Variants in DIP2C observed in about 807,000 individuals in gnomAD.
The protein encoded by DIP2C is disco-interacting protein 2 homolog C.
Under a neutral mutation model 192.4 loss-of-function variants are expected in DIP2C, and 33 were observed. The observed-to-expected ratio is 0.17, with a 90% CI of 0.13 to 0.23. The LOEUF is 0.23. Among genes scored for constraint, DIP2C ranks in the 10% least tolerant of loss-of-function variants. The pLI is 1.00. For synonymous variants in DIP2C, 979 were observed against 864.1 expected (o/e 1.13, Z -2.33); for missense variants, 1,537 against 2,110.1 (o/e 0.73, Z 5.32).
rs1235679679 is a variant in DIP2C, at chr10:636,130, C to T, written c.85+53364G>A. 2.6e-5 allele frequency among the ~76,000 whole-genome samples: 4 copies of T among 152,178 alleles called. No individual in the cohort carries two copies. The highest frequency in any genetic ancestry group is 7.2e-5 in the African/African-American group (3 of 41,442). On this transcript the variant is annotated intron_variant, in intron 1 of 36. Transcript: ENST00000280886. This position sits in a 1 kb window ranked among gnomAD's most constrained non-coding sequence, Gnocchi z 4.6. Reference sequence around the variant, plus strand: ...GTGCTCATAGCTACATACAAAATAACTTTATCACAAGGAAAACTAGGTGGT... The same window carrying T: ...GTGCTCATAGCTACATACAAAATAATTTTATCACAAGGAAAACTAGGTGGT...
At chr10:662,868 T>G in intron 1 of DIP2C, 1 of 717,522 alleles carries the variant, frequency 1.4e-6, no homozygotes, top group South Asian at 1.5e-5. Context: ...AGAACCACAC[T>G]CAGCAGCAGC....
At chr10:549,062 G>A (rs997249459) in intron 1 of DIP2C, among the ~76,000 whole-genome samples, 1 of 152,046 alleles carries the variant, frequency 6.6e-6, no homozygotes, top group Non-Finnish European at 1.5e-5. Flanking sequence ...CAGAATTAAA[G>A]GCAAAACCGA....
rs577438430 is a variant in DIP2C, at chr10:345,145, T to C, written c.3232-35A>G. On this transcript the variant is annotated intron_variant, in intron 26 of 36. Transcript: ENST00000280886. ...GAGAGCGAGAATGGAGCCATGAACG[T>C]GGACCCAGATGAAAGCGTGCTCACT... The C allele has an allele frequency of 1.9e-5, 30 of 1,581,058 alleles. No individual in the cohort carries two copies. The South Asian group carries it at 2.4e-4, about 13-fold the overall frequency.
chr10:492,051 A>G (rs1203983616), intron 1 of DIP2C, among the ~76,000 whole-genome samples: 1 of 152,154 alleles, frequency 6.6e-6, no homozygotes, highest in Non-Finnish European at 1.5e-5. Context: ...GCTAAGAGGA[A>G]TCTCAAAATC....
chr10:423,173 A>G, intron 4 of DIP2C, 140 bp from the exon 5 acceptor site: 1 of 770,042 alleles, frequency 1.3e-6, no homozygotes, highest in Non-Finnish European at 2.0e-6. Context: ...TTGAGAAGTT[A>G]AACCACGTTT....
chr10:416,516 C>G (rs934689757), intron 6 of DIP2C, among the ~76,000 whole-genome samples: 93 of 152,276 alleles, frequency 6.1e-4, no homozygotes, highest in African/African-American at 2.2e-3. Context: ...ACAGGCAATG[C>G]ATCCTAAAGC....
intron 1 of DIP2C, among the ~76,000 whole-genome samples, chr10:623,143 G>T (rs1056327719): frequency 2.0e-5 from 3 of 152,166 alleles, no homozygotes; most frequent in Admixed American, 6.5e-5. Context: ...GAGCACGCGT[G>T]TGAAGATTCA....
intron 1 of DIP2C, among the ~76,000 whole-genome samples, chr10:538,859 AAGC>A (rs1847833418): frequency 6.6e-6 from 1 of 152,250 alleles, no homozygotes; most frequent in South Asian, 2.1e-4. Context: ...CACTAGCAAA[AAGC>A]AGCACATAAT....
intron 1 of DIP2C, chr10:665,492 A>G (rs1031271985): frequency 1.3e-5 from 2 of 152,246 alleles, no homozygotes; most frequent in Admixed American, 1.3e-4. Context: ...ACTTCACATA[A>G]GAAACACTAA....
intron 4 of DIP2C, among the ~76,000 whole-genome samples, chr10:439,549 C>A (rs1967558901): frequency 6.6e-6 from 1 of 152,166 alleles, no homozygotes; most frequent in Non-Finnish European, 1.5e-5. Flanking sequence ...CCCAGGTGGT[C>A]ACGGCTGCAG....
chr10:477,599 AG>A, intron 2 of DIP2C, among the ~76,000 whole-genome samples: 1 of 23,042 alleles, frequency 4.3e-5, no homozygotes, highest in African/African-American at 9.0e-5. Context: ...ATGGGGAGGG[AG>A]GAAGGTGGAT....
chr10:344,803 C>T lies in DIP2C; in HGVS notation c.3453+6G>A, dbSNP rs1471358534. The T allele has an allele frequency of 1.3e-6, 2 of 1,578,232 alleles. No homozygotes were observed. The highest frequency in any genetic ancestry group is 1.7e-6 in the Non-Finnish European group (2 of 1,162,552). On this transcript the variant is annotated splice_donor_region_variant and intron_variant, in intron 28 of 36. Transcript: ENST00000280886. Reference sequence around the variant, plus strand: ...CATGGCCACCGCCCGCAGCCACCCCCCTCACCTTTACGCCAGCTAGCATCC... The same window carrying T: ...CATGGCCACCGCCCGCAGCCACCCCTCTCACCTTTACGCCAGCTAGCATCC...
At chr10:586,828 C>CA (rs1851062883) in intron 1 of DIP2C, among the ~76,000 whole-genome samples, 2 of 150,062 alleles carry the variant, frequency 1.3e-5, no homozygotes, top group South Asian at 2.1e-4. Flanking sequence ...CACAAGCTAT[C>CA]AAATGCTGCC....
intron 1 of DIP2C, among the ~76,000 whole-genome samples, chr10:580,054 AC>A (rs950527282): frequency 6.6e-6 from 1 of 152,170 alleles, no homozygotes; most frequent in African/African-American, 2.4e-5. Context: ...ACACAGGTAT[AC>A]TATAACCTGT....
chr10:453,549 G>A (rs11252513), intron 3 of DIP2C, among the ~76,000 whole-genome samples: 23,846 of 152,242 alleles, frequency 0.16, 4,780 homozygotes, highest in African/African-American at 0.47. Context: ...TTGAGGAAGA[G>A]CACTGAAAGT....
At chr10:537,281 A>C (rs11253064) in intron 1 of DIP2C, among the ~76,000 whole-genome samples, 22,766 of 152,140 alleles carry the variant, frequency 0.15, 2,567 homozygotes, top group African/African-American at 0.32. Context: ...CCCAGACCTG[A>C]CCTGGACCAG....
At chr10:280,569 T>C (rs1483618749) in intron 36 of DIP2C, among the ~76,000 whole-genome samples, 1 of 152,206 alleles carries the variant, frequency 6.6e-6, no homozygotes, top group African/African-American at 2.4e-5. Flanking sequence ...CAGAAGAACC[T>C]ACTGCTGAAT....
chr10:349,855 A>C (rs2132636078), intron 24 of DIP2C, among the ~76,000 whole-genome samples: 1 of 152,348 alleles, frequency 6.6e-6, no homozygotes, highest in South Asian at 2.1e-4. Flanking sequence ...AGACTAATTA[A>C]AAAATTTTAT....
At chr10:336,290 A>G (rs1957765627) in intron 29 of DIP2C, among the ~76,000 whole-genome samples, 1 of 152,190 alleles carries the variant, frequency 6.6e-6, no homozygotes, top group Non-Finnish European at 1.5e-5. Context: ...TGGTGGTCTC[A>G]TGAGCCTGTA....
Sources: allele counts gnomAD v4.1 joint callset (sites outside exome capture counted in the v4.1 genomes callset), GRCh38; gene constraint gnomAD v4.1.1; non-coding constraint Gnocchi (gnomAD v3.1); transcripts MANE v1.5; gene names NCBI Gene and HGNC (gene_info 2026-07-23, HGNC 2026-07-21).